The following PTPRK variants were observed in gnomAD, a reference collection of about 807,000 sequenced individuals.
The protein encoded by PTPRK is receptor-type tyrosine-protein phosphatase kappa.
A neutral mutation model predicts 178.0 loss-of-function variants in PTPRK; 75 were observed. The ratio of observed to expected loss-of-function variants is 0.42; its 90% CI spans 0.35 to 0.51. The LOEUF is 0.51. Among genes scored for constraint, PTPRK ranks in the 20% least tolerant of loss-of-function variants. PTPRK has a pLI of 0.02. For missense variants in PTPRK, 1,441 were observed against 1,797.8 expected, an observed-to-expected ratio of 0.80 and a Z score of 3.59; for synonymous variants, 637 against 620.6, an observed-to-expected ratio of 1.03 and a Z score of -0.39.
At chr6:128,186,550 T>A (rs368894011) in intron 6 of PTPRK, among the ~76,000 whole-genome samples, 1 of 152,134 alleles carries the variant, frequency 6.6e-6, no homozygotes, top group African/African-American at 2.4e-5. Flanking sequence ...GTTTCAACAA[T>A]ATGTAGTCAA....
At chr6:128,252,601 T>G (rs1224146922) in intron 3 of PTPRK, among the ~76,000 whole-genome samples, 1 of 152,148 alleles carries the variant, frequency 6.6e-6, no homozygotes, top group East Asian at 1.9e-4. Context: ...AAAATGGCTC[T>G]GGGGGTAGAA....
intron 20 of PTPRK, 38 bp from the exon 21 acceptor site, chr6:127,990,923 T>TA (rs1250733765): frequency 2.5e-6 from 3 of 1,214,100 alleles, no homozygotes; most frequent in Non-Finnish European, 3.6e-6. Flanking sequence ...GACCTGAATA[T>TA]ATAATACTAA....
intron 3 of PTPRK, among the ~76,000 whole-genome samples, chr6:128,288,122 A>G (rs1261895260): frequency 6.6e-6 from 1 of 152,148 alleles, no homozygotes; most frequent in Non-Finnish European, 1.5e-5. Context: ...GCTCTGTGAT[A>G]GCTTGCTTCT....
chr6:128,067,314 A>C (rs1159937155), intron 12 of PTPRK, among the ~76,000 whole-genome samples: 1 of 152,120 alleles, frequency 6.6e-6, no homozygotes, highest in Non-Finnish European at 1.5e-5. Flanking sequence ...TTACTAGGAA[A>C]CAGGAACCCT....
intron 2 of PTPRK, among the ~76,000 whole-genome samples, chr6:128,340,064 G>A (rs1215011966): frequency 6.6e-6 from 1 of 152,126 alleles, no homozygotes; most frequent in African/African-American, 2.4e-5. Flanking sequence ...AAGCTGTTAA[G>A]GAGCTAAGCA....
chr6:128,296,824 C>T (rs1166054045), intron 3 of PTPRK, among the ~76,000 whole-genome samples: 1 of 152,110 alleles, frequency 6.6e-6, no homozygotes, highest in East Asian at 1.9e-4. Context: ...AACTAACGAG[C>T]AAAATAACCA....
intron 21 of PTPRK, among the ~76,000 whole-genome samples, chr6:127,989,415 T>C (rs1039996792): frequency 6.6e-6 from 1 of 152,058 alleles, no homozygotes; most frequent in Non-Finnish European, 1.5e-5. Context: ...AATTTTTTCA[T>C]GTTGGTAGGA....
intron 1 of PTPRK, among the ~76,000 whole-genome samples, chr6:128,476,636 T>C (rs1162439758): frequency 6.6e-6 from 1 of 152,054 alleles, no homozygotes; most frequent in African/African-American, 2.4e-5. Flanking sequence ...ACCATATATA[T>C]ATTTAGTTTT....
chr6:128,060,805 T>C (rs1317478351), intron 13 of PTPRK, among the ~76,000 whole-genome samples: 3 of 152,300 alleles, frequency 2.0e-5, no homozygotes, highest in East Asian at 3.9e-4. Flanking sequence ...AAGTATTCTA[T>C]ATTAGAATAT....
Position 128,371,890 on chromosome 6 carries a change from A to AG in PTPRK, c.223+25675dup, listed in dbSNP as rs768964331. Among the ~76,000 whole-genome samples, 459 of 149,772 alleles carry AG rather than the reference A, an allele frequency of 3.1e-3. 6 individuals are homozygous for AG. The highest frequency in any genetic ancestry group is 3.6e-3 in the South Asian group (17 of 4,734). On this transcript the variant is annotated intron_variant, in intron 2 of 29. Coordinates refer to ENST00000368226, the MANE Select transcript of PTPRK (RefSeq NM_002844.4). ...GACCTTGTCTCAAAAAAAAAAAAAA[A>AG]GAGAGAGAGAGAGAAGCCATTCCAG...
chr6:128,075,372 C>T (rs1206723424), intron 11 of PTPRK, among the ~76,000 whole-genome samples: 1 of 76,768 alleles, frequency 1.3e-5, no homozygotes, highest in Non-Finnish European at 3.2e-5. Flanking sequence ...TCTCCCTTTG[C>T]TCCCTGTTTT....
intron 21 of PTPRK, among the ~76,000 whole-genome samples, chr6:127,986,780 C>T (rs1776028856): frequency 6.6e-6 from 1 of 152,164 alleles, no homozygotes; most frequent in African/African-American, 2.4e-5. Context: ...AGACACATTA[C>T]ATGAAATAAA....
intron 3 of PTPRK, among the ~76,000 whole-genome samples, chr6:128,317,273 G>A (rs1584115106): frequency 1.3e-5 from 2 of 152,148 alleles, no homozygotes; most frequent in African/African-American, 2.4e-5. Context: ...CTTAGCACAC[G>A]TTCAAATATT....
intron 2 of PTPRK, among the ~76,000 whole-genome samples, chr6:128,351,621 G>C (rs891506643): frequency 6.6e-5 from 10 of 152,184 alleles, no homozygotes; most frequent in Admixed American, 5.2e-4. Context: ...GAATTTACCA[G>C]TCTGAACTCC....
chr6:128,005,848 A>C (rs1206719220), intron 14 of PTPRK, among the ~76,000 whole-genome samples: 1 of 149,630 alleles, frequency 6.7e-6, no homozygotes, highest in Non-Finnish European at 1.5e-5. Context: ...CAGAAATACA[A>C]TATCCCTTTT....
chr6:128,014,204 A>G (rs535397293), intron 13 of PTPRK, among the ~76,000 whole-genome samples: 17 of 151,770 alleles, frequency 1.1e-4, no homozygotes, highest in Non-Finnish European at 2.5e-4. Context: ...CATAAGATGA[A>G]CTTGATAACA....
chr6:128,133,031 T>A (rs1360074547), intron 7 of PTPRK, among the ~76,000 whole-genome samples: 1 of 152,194 alleles, frequency 6.6e-6, no homozygotes. Flanking sequence ...CAAAAACTCA[T>A]TAGTCAAAAA....
chr6:128,058,509 T>C (rs558345577), intron 13 of PTPRK, among the ~76,000 whole-genome samples: 2 of 152,142 alleles, frequency 1.3e-5, no homozygotes, highest in African/African-American at 4.8e-5. Flanking sequence ...GTCTCCTCAC[T>C]AGTTTTAATA....
At chr6:128,470,749 C>CTTTT (rs11361160) in intron 1 of PTPRK, among the ~76,000 whole-genome samples, 1 of 114,212 alleles carries the variant, frequency 8.8e-6, no homozygotes, top group Non-Finnish European at 1.8e-5. Context: ...ATATCTCTCT[C>CTTTT]TTTTTTTTTT....
Sources: allele counts gnomAD v4.1 joint callset (sites outside exome capture counted in the v4.1 genomes callset), GRCh38; gene constraint gnomAD v4.1.1; transcripts MANE v1.5; gene names NCBI Gene and HGNC (gene_info 2026-07-23, HGNC 2026-07-21).